The following SHF variants were observed in gnomAD, a reference collection of about 807,000 sequenced individuals.
The protein encoded by SHF is Src homology 2 domain containing F, also known as SH2 domain-containing adapter protein F.
Under a neutral mutation model 42.4 loss-of-function variants are expected in SHF, and 30 were observed. The ratio of observed to expected loss-of-function variants is 0.71; its 90% CI spans 0.53 to 0.96. The LOEUF (loss-of-function observed/expected upper bound fraction) is 0.96, where lower values mean the gene tolerates loss of function less well. Among genes scored for constraint, SHF ranks in the 40% least tolerant of loss-of-function variants. SHF has a pLI of 0.00. For missense variants in SHF, 598 were observed against 634.0 expected (o/e 0.94, Z 0.61); for synonymous variants, 264 against 269.9 (o/e 0.98, Z 0.21).
chr15:45,167,914 G>A lies in SHF; in HGVS notation c.*33C>T. 6.5e-7 allele frequency: 1 copy of A among 1,543,420 alleles called. No individual in the cohort carries two copies. Among genetic ancestry groups the A allele is most frequent in the South Asian group, 1.3e-5 (1 of 78,508 alleles). On this transcript the variant is annotated 3_prime_UTR_variant, in exon 7 of 7. Transcript: ENST00000690270. ...AGCCAGGTGATGGGCACAGGGCTGG[G>A]TACAGGTCTATCACAGTGCCCTGGC...
chr15:45,170,835 A>G (rs1241498022), intron 6 of SHF: 3 of 178,484 alleles, frequency 1.7e-5, no homozygotes, highest in African/African-American at 7.2e-5. Flanking sequence ...TATTTTTAGT[A>G]GAGACGGGGT....
intron 4 of SHF, 110 bp downstream of exon 4, chr15:45,173,466 C>T: frequency 7.1e-7 from 1 of 1,401,432 alleles, no homozygotes; most frequent in Non-Finnish European, 9.3e-7. Context: ...AAATGAGATT[C>T]TTCCTGGGGT....
At chr15:45,199,060 T>G (rs1898978241) in exon 2 of SHF, 1 of 1,592,456 alleles carries the variant, frequency 6.3e-7, no homozygotes, top group Non-Finnish European at 8.6e-7. Flanking sequence ...TCACGGGTCC[T>G]CCCTCCTGCT....
At chr15:45,185,708 T>C (rs1374461175) in intron 1 of SHF, among the ~76,000 whole-genome samples, 1 of 152,196 alleles carries the variant, frequency 6.6e-6, no homozygotes, top group Non-Finnish European at 1.5e-5. Context: ...ATGGAGGCCC[T>C]TGGCAAGAAG....
At chr15:45,172,782 G>A (rs1050124504) in intron 4 of SHF, among the ~76,000 whole-genome samples, 1 of 152,126 alleles carries the variant, frequency 6.6e-6, no homozygotes, top group Non-Finnish European at 1.5e-5. Context: ...TCCCCTTGGT[G>A]CCATCCTGAC....
upstream of SHF, among the ~76,000 whole-genome samples, chr15:45,192,564 G>T (rs1898739006): frequency 6.6e-6 from 1 of 151,720 alleles, no homozygotes. Flanking sequence ...GTAGAGATGG[G>T]GTTTCACCGT....
At position 45,187,817 on chromosome 15, in the gene SHF, G is replaced by T; in HGVS notation, c.135C>A (p.Gly45=). ...AGAGPGGGGS[G]GVAKWLREHL... is the part of the protein sequence containing the mutation. ...GCTCCCGGAGCCACTTGGCTACTCC[G>T]CCGCTGCCGCCCCCTCCTGGGCCGG... is the stretch of plus-strand genomic sequence containing the variant. The change falls in exon 1 of 7, where the codon GGC becomes GGA. Residue 45 remains glycine, a synonymous_variant. Coordinates refer to ENST00000690270, the MANE Select transcript of SHF (RefSeq NM_001394037.1). 1.1e-6 allele frequency: 1 copy of T among 909,800 alleles called. No homozygotes were observed. Among genetic ancestry groups the T allele is most frequent in the Admixed American group, 4.4e-5 (1 of 22,816 alleles). 56.4% of individuals were successfully genotyped at this position (909,800 alleles called of 1,614,324 possible).
At chr15:45,198,859 A>G (rs1898970129) in exon 2 of SHF, 3 of 1,613,964 alleles carry the variant, frequency 1.9e-6, no homozygotes, top group South Asian at 1.1e-5. Context: ...GTTTTGGCCC[A>G]TTAGCCACGG....
intron 2 of SHF, chr15:45,198,497 A>G (rs537353300): frequency 1.5e-5 from 6 of 388,348 alleles, no homozygotes; most frequent in African/African-American, 6.1e-5. Flanking sequence ...CAGTTTTCAA[A>G]GGAGAGAAAC....
At chr15:45,174,381 G>A (rs1897684621) in intron 3 of SHF, 1 of 155,002 alleles carries the variant, frequency 6.5e-6, no homozygotes, top group South Asian at 2.0e-4. Context: ...GAGATAAACG[G>A]CCCATCCTCA....
rs146213916 is a variant in SHF at position 45,178,825 on chromosome 15, G to A, written c.499-519C>T. On this transcript the variant is annotated intron_variant, in intron 1 of 6. Coordinates refer to ENST00000690270, the MANE Select transcript of SHF (RefSeq NM_001394037.1). The stretch of plus-strand genomic sequence containing the variant: ...TGGGATTACAGGCGTGAGCCACCGC[G>A]CCCGGCCCCAAGTGGTACATCTTTT... Among the ~76,000 whole-genome samples the A allele has an allele frequency of 3.2e-3, 483 of 152,306 alleles. 5 individuals are homozygous for A. Among genetic ancestry groups the A allele is most frequent in the African/African-American group, 0.011 (441 of 41,580 alleles).
chr15:45,193,804 T>A (rs1898782030), intron 2 of SHF, among the ~76,000 whole-genome samples: 1 of 152,068 alleles, frequency 6.6e-6, no homozygotes. Context: ...GAGGTAGCCC[T>A]GAGCTGGTAG....
rs778461179 is a variant in SHF at position 45,175,334 on chromosome 15, A to C, written c.732T>G (p.Gly244=). 13 of 1,602,746 alleles carry C rather than the reference A, an allele frequency of 8.1e-6. No individual in the cohort carries two copies. Among genetic ancestry groups the C allele is most frequent in the Non-Finnish European group, 8.5e-7 (1 of 1,174,646 alleles). ...EPEEDGATAE[G]EGAPWPRESR... is the part of the protein sequence containing the mutation. ...ACTCCCGGGGCCAGGGGGCCCCCTC[A>C]CCTTCCGCGGTGGCCCCATCCTCCT... The change falls in exon 3 of 7, where the codon GGT becomes GGG. Residue 244 remains glycine (G), a synonymous_variant. Transcript: ENST00000690270.
chr15:45,172,081 G>T (rs780355385), intron 5 of SHF, 66 bp downstream of exon 5: 32 of 1,613,848 alleles, frequency 2.0e-5, no homozygotes, highest in Non-Finnish European at 2.5e-5. Context: ...GGTGTCCCCT[G>T]TAGGGAAGCC....
intron 5 of SHF, 63 bp from the exon 6 acceptor site, chr15:45,172,065 A>C: frequency 6.2e-7 from 1 of 1,613,804 alleles, no homozygotes. Flanking sequence ...AGGCCCACCC[A>C]TTGTGGGTGT....
chr15:45,183,637 G>A (rs1325002704), intron 1 of SHF, among the ~76,000 whole-genome samples: 1 of 152,258 alleles, frequency 6.6e-6, no homozygotes, highest in Non-Finnish European at 1.5e-5. Context: ...CCCAGCCAGG[G>A]CTTGTTCAGC....
chr15:45,193,919 C>T (rs976384633), intron 2 of SHF, among the ~76,000 whole-genome samples: 2 of 148,272 alleles, frequency 1.3e-5, no homozygotes, highest in African/African-American at 2.5e-5. Context: ...GGTAACATGG[C>T]GAAACCCCTT....
chr15:45,181,022 G>A (rs1898096102), intron 1 of SHF: 1 of 152,210 alleles, frequency 6.6e-6, no homozygotes. Flanking sequence ...TCCAACCCCC[G>A]ATAGTCTCCC....
rs147016040 is a variant in SHF at position 45,187,134 on chromosome 15, C to T, written c.498+320G>A. 5.8e-3 allele frequency among the ~76,000 whole-genome samples: 885 copies of T among 152,320 alleles called. 7 individuals carry two copies. Among genetic ancestry groups the T allele is most frequent in the Admixed American group, 0.017 (261 of 15,300 alleles). On this transcript the variant is annotated intron_variant, in intron 1 of 6. Transcript: ENST00000690270. ...GGGGGTTGGGAGGTGCGCCTCAATT[C>T]CCGTTAGCAAAAGGCTCATGGATCA... is the stretch of plus-strand genomic sequence containing the variant.
Sources: allele counts gnomAD v4.1 joint callset (sites outside exome capture counted in the v4.1 genomes callset), GRCh38; gene constraint gnomAD v4.1.1; transcripts MANE v1.5; gene names NCBI Gene and HGNC (gene_info 2026-07-23, HGNC 2026-07-21).